The following SLC24A3 variants were observed in gnomAD, a reference collection of about 807,000 sequenced individuals.
SLC24A3 encodes solute carrier family 24 member 3, also known as sodium/potassium/calcium exchanger 3.
Under a neutral mutation model 75.8 loss-of-function variants are expected in SLC24A3, and 28 were observed. The ratio of observed to expected loss-of-function variants is 0.37; its 90% CI spans 0.27 to 0.51. The LOEUF (loss-of-function observed/expected upper bound fraction) is 0.51, where lower values mean the gene tolerates loss of function less well. SLC24A3 is among the 20% of genes least tolerant of loss of function. The pLI is 0.94. For missense variants in SLC24A3, 663 were observed against 847.8 expected (o/e 0.78, Z 2.71); for synonymous variants, 372 against 334.1 (o/e 1.11, Z -1.24).
At chr20:19,281,260 G>GTT (rs1983656185) in intron 2 of SLC24A3, among the ~76,000 whole-genome samples, 173 bp downstream of exon 2, 1 of 152,194 alleles carries the variant, frequency 6.6e-6, no homozygotes, top group Admixed American at 6.5e-5. Context: ...ATTAAGTTGT[G>GTT]TTTTGACCTC....
At chr20:19,540,629 G>A (rs191593288) in intron 3 of SLC24A3, among the ~76,000 whole-genome samples, 118 of 152,338 alleles carry the variant, frequency 7.7e-4, no homozygotes, top group Admixed American at 2.0e-3. Context: ...CACGCCACAC[G>A]TGGGTGGTTA....
chr20:19,283,105 A>G (rs1983707446), intron 2 of SLC24A3: 1 of 152,686 alleles, frequency 6.5e-6, no homozygotes, highest in Non-Finnish European at 1.5e-5. Context: ...CAAAGGGAAT[A>G]TGGATCCAGG....
intron 6 of SLC24A3, among the ~76,000 whole-genome samples, chr20:19,642,719 T>G (rs550447902): frequency 6.8e-4 from 103 of 152,308 alleles, no homozygotes; most frequent in Non-Finnish European, 1.3e-3. Flanking sequence ...TCCACATAAA[T>G]ACTTTGATAA....
chr20:19,345,963 C>T (rs566505232), intron 2 of SLC24A3, among the ~76,000 whole-genome samples: 1 of 149,344 alleles, frequency 6.7e-6, no homozygotes, highest in South Asian at 2.1e-4. Flanking sequence ...AGTCATTATA[C>T]AAAAAAGATA....
intron 6 of SLC24A3, among the ~76,000 whole-genome samples, chr20:19,589,953 G>A (rs1167103977): frequency 6.6e-6 from 1 of 151,968 alleles, no homozygotes; most frequent in Non-Finnish European, 1.5e-5. Context: ...GGGAATCTAC[G>A]ATTTAAAAAC....
chr20:19,320,559 C>G lies in SLC24A3; in HGVS notation c.271+39472C>G, dbSNP rs539489667. Among the ~76,000 whole-genome samples the G allele has an allele frequency of 1.4e-4, 22 of 152,144 alleles. 1 individual carries two copies. The highest frequency in any genetic ancestry group is 5.3e-4 in the African/African-American group (22 of 41,502). On this transcript the variant is annotated intron_variant, in intron 2 of 16. Transcript: ENST00000328041. The stretch of plus-strand genomic sequence containing the variant: ...TCACATCTGCTTGGTCTCTCTCTCT[C>G]TGTTATGCATTATGGACACACACAT...
chr20:19,437,670 A>G lies in SLC24A3; in HGVS notation c.272-77818A>G, dbSNP rs537785336. ...CCAGGACAGGATAATGCTAGTGAGC[A>G]TCTGGGTTTCCACAGCCTGGCCCTG... On this transcript the variant is annotated intron_variant, in intron 2 of 16. Transcript: ENST00000328041. Among the ~76,000 whole-genome samples, 6 of 152,298 alleles carry G rather than the reference A, an allele frequency of 3.9e-5. 1 individual carries two copies. Among genetic ancestry groups the G allele is most frequent in the African/African-American group, 1.4e-4 (6 of 41,562 alleles).
chr20:19,304,092 T>C (rs1189458783), intron 2 of SLC24A3, among the ~76,000 whole-genome samples: 2 of 152,196 alleles, frequency 1.3e-5, no homozygotes, highest in East Asian at 3.8e-4. Flanking sequence ...CGGAATATAA[T>C]GTCCCCGTAG....
At chr20:19,441,737 G>A (rs1301064991) in intron 2 of SLC24A3, among the ~76,000 whole-genome samples, 2 of 151,960 alleles carry the variant, frequency 1.3e-5, no homozygotes, top group African/African-American at 2.4e-5. Context: ...AGTTCTGTGG[G>A]GTTTGCCAAA....
chr20:19,474,036 G>T (rs771008134), intron 2 of SLC24A3, among the ~76,000 whole-genome samples: 12 of 152,222 alleles, frequency 7.9e-5, no homozygotes, highest in Non-Finnish European at 1.5e-4. Flanking sequence ...TAAACTGTCG[G>T]AGGAGATGTT....
intron 2 of SLC24A3, among the ~76,000 whole-genome samples, chr20:19,291,484 C>G (rs1983940076): frequency 6.6e-6 from 1 of 152,194 alleles, no homozygotes; most frequent in African/African-American, 2.4e-5. Flanking sequence ...TCCACTGAGG[C>G]CCAGGACTAT....
intron 1 of SLC24A3, among the ~76,000 whole-genome samples, chr20:19,264,728 CAAA>C (rs371253803): frequency 3.1e-5 from 3 of 98,026 alleles, no homozygotes; most frequent in Non-Finnish European, 5.9e-5. Flanking sequence ...GACTCCATCT[CAAA>C]AAAAAAAAAA....
At chr20:19,451,955 C>A (rs1298495512) in intron 2 of SLC24A3, among the ~76,000 whole-genome samples, 1 of 152,178 alleles carries the variant, frequency 6.6e-6, no homozygotes, top group Non-Finnish European at 1.5e-5. Context: ...CCTCCCCATC[C>A]CGTTTGCTTT....
chr20:19,584,888 G>T (rs1292530321), intron 4 of SLC24A3, 83 bp from the exon 5 acceptor site: 2 of 1,298,944 alleles, frequency 1.5e-6, no homozygotes, highest in African/African-American at 1.5e-5. Context: ...GCTTCTCAGG[G>T]CTTGGACTCT....
At chr20:19,256,544 A>G (rs923873330) in intron 1 of SLC24A3, among the ~76,000 whole-genome samples, 17 of 152,086 alleles carry the variant, frequency 1.1e-4, no homozygotes, top group African/African-American at 3.6e-4. Flanking sequence ...CGAGGTGGGC[A>G]GATCACTTGA....
intron 9 of SLC24A3, among the ~76,000 whole-genome samples, chr20:19,677,004 A>G (rs1470383843): frequency 6.6e-6 from 1 of 152,244 alleles, no homozygotes; most frequent in East Asian, 1.9e-4. Flanking sequence ...TATATATTCC[A>G]TGAGAACGGA....
At chr20:19,508,693 C>G (rs1478102721) in intron 2 of SLC24A3, among the ~76,000 whole-genome samples, 1 of 152,146 alleles carries the variant, frequency 6.6e-6, no homozygotes, top group East Asian at 1.9e-4. Flanking sequence ...CTTCTGCAGG[C>G]CCCCAGGGCT....
At chr20:19,389,015 T>C (rs920677361) in intron 2 of SLC24A3, among the ~76,000 whole-genome samples, 3 of 152,156 alleles carry the variant, frequency 2.0e-5, no homozygotes, top group African/African-American at 7.2e-5. Flanking sequence ...TGATTTATCT[T>C]TATTGTTACC....
At chr20:19,518,904 A>G (rs140007374) in intron 3 of SLC24A3, among the ~76,000 whole-genome samples, 1 of 152,258 alleles carries the variant, frequency 6.6e-6, no homozygotes, top group Admixed American at 6.5e-5. Context: ...TCCAGAAGGG[A>G]ATGTGGAGGA....
Sources: allele counts gnomAD v4.1 joint callset (sites outside exome capture counted in the v4.1 genomes callset), GRCh38; gene constraint gnomAD v4.1.1; transcripts MANE v1.5; gene names NCBI Gene and HGNC (gene_info 2026-07-23, HGNC 2026-07-21).